The following ZNF676 variants were observed in gnomAD, a reference collection of about 807,000 sequenced individuals.
ZNF676 encodes zinc finger protein 676.
ZNF676 carries 4 observed loss-of-function variants against 6.0 expected under a neutral mutation model. The ratio of observed to expected loss-of-function variants is 0.67; its 90% CI spans 0.33 to 1.53. The LOEUF is 1.53. ZNF676 is among the 40% of genes most tolerant of loss of function. The pLI, the probability that ZNF676 is intolerant of heterozygous loss-of-function variation, is 0.06. For synonymous variants in ZNF676, 198 were observed against 223.1 expected (o/e 0.89, Z 1.00); for missense variants, 644 against 679.7 (o/e 0.95, Z 0.58).
chr19:22,198,995 A>G (rs1322454168), upstream of ZNF676, among the ~76,000 whole-genome samples: 2 of 151,956 alleles, frequency 1.3e-5, no homozygotes, highest in Non-Finnish European at 2.9e-5. Flanking sequence ...TTAAAACAAC[A>G]TGAATGCTTC....
intron 2 of ZNF676, among the ~76,000 whole-genome samples, chr19:22,185,894 T>C (rs1440214119): frequency 6.6e-6 from 1 of 151,912 alleles, no homozygotes; most frequent in Non-Finnish European, 1.5e-5. Context: ...AAGGACCAAA[T>C]CTTCGTTTGA....
chr19:22,242,684 G>A, the ZNF676 span, among the ~76,000 whole-genome samples: 1 of 151,996 alleles, frequency 6.6e-6, no homozygotes, highest in Non-Finnish European at 1.5e-5. Context: ...GTCTAGCTAT[G>A]TGTCAAAATA....
In ZNF676 at chr19:22,180,398, T is replaced by C; in HGVS notation, c.1319A>G (p.Lys440Arg). The C allele has an allele frequency of 6.2e-7, 1 of 1,613,844 alleles. No homozygotes were observed. The highest frequency in any genetic ancestry group is 8.5e-7 in the Non-Finnish European group (1 of 1,179,898). The change falls in exon 3 of 3, where the codon AAG becomes AGG. Residue 440 changes from lysine (K) to arginine (R), a missense_variant. Physicochemically the swap from Lys to Arg is conservative, Grantham distance 26. Around this residue, in one of 5 missense-constraint regions of ZNF676, gnomAD observed 306 missense variants for 265.4 expected, o/e 1.15. Transcript: ENST00000397121. ...GGGTTTCTCTCCAGCATGAATTCTC[T>C]TGTGTTCAGTAAGGCTTGAGGACCA... The part of the protein sequence containing the change: ...FSWSSSLTEH[K>R]RIHAGEKPYK...
At chr19:22,238,977 C>A in the ZNF676 span, among the ~76,000 whole-genome samples, 398 of 152,284 alleles carry the variant, frequency 2.6e-3, no homozygotes, top group African/African-American at 8.6e-3. Flanking sequence ...TTTGGCAACA[C>A]CCTCACAGAC....
At position 22,179,900 on chromosome 19, in the gene ZNF676, GT is replaced by G; in HGVS notation, c.*49del. 1 of 1,578,518 alleles carries G rather than the reference GT, an allele frequency of 6.3e-7. No homozygotes were observed. The highest frequency in any genetic ancestry group is 8.7e-7 in the Non-Finnish European group (1 of 1,153,888). ...TTCTCTCCAGTATGAATTTTCTTAT[GT>G]TTACTAGACTGAGAATCAGCTGAAG... On this transcript the variant is annotated 3_prime_UTR_variant, in exon 3 of 3. Coordinates refer to ENST00000397121, the MANE Select transcript of ZNF676 (RefSeq NM_001001411.3).
At chr19:22,201,477 T>C (rs1305348889), upstream of ZNF676, among the ~76,000 whole-genome samples, 1 of 152,184 alleles carries the variant, frequency 6.6e-6, no homozygotes, top group Non-Finnish European at 1.5e-5. Flanking sequence ...ATTTACAAAT[T>C]CTAGGTGAAA....
In ZNF676 at chr19:22,179,627, C is replaced by G. The variant is rs183275548; in HGVS notation, c.*323G>C. Reference sequence around the variant, plus strand: ...GTTTTTCACATTTGTAGGGCTTTTCCTCCAGTATGAATTCTTTTATGAGTA... The same window carrying G: ...GTTTTTCACATTTGTAGGGCTTTTCGTCCAGTATGAATTCTTTTATGAGTA... On this transcript the variant is annotated 3_prime_UTR_variant, in exon 3 of 3. Transcript: ENST00000397121. 3 of 481,148 alleles carry G rather than the reference C, an allele frequency of 6.2e-6. No individual in the cohort carries two copies. The highest frequency in any genetic ancestry group is 6.0e-5 in the African/African-American group (3 of 50,392). 29.8% of individuals were successfully genotyped at this position (481,148 alleles called of 1,614,324 possible). A position where few individuals can be genotyped will look rare whatever the true frequency, so the allele number is the denominator to read the frequency against.
chr19:22,255,002 T>C, the ZNF676 span, among the ~76,000 whole-genome samples: 2 of 152,224 alleles, frequency 1.3e-5, no homozygotes, highest in East Asian at 1.9e-4. Flanking sequence ...AACGATCCCA[T>C]ACATGATCTG....
intron 1 of ZNF676, among the ~76,000 whole-genome samples, chr19:22,205,489 T>G (rs181312523): frequency 6.6e-6 from 1 of 152,166 alleles, no homozygotes; most frequent in East Asian, 1.9e-4. Context: ...GAAACACAAT[T>G]CAATACCAAT....
chr19:22,182,592 A>AC (rs1568525827), intron 2 of ZNF676, among the ~76,000 whole-genome samples: 1 of 132,332 alleles, frequency 7.6e-6, no homozygotes, highest in East Asian at 2.3e-4. Flanking sequence ...TTCTAAAAAA[A>AC]AAAAAAAAAA....
At chr19:22,227,576 G>T in the ZNF676 span, among the ~76,000 whole-genome samples, 1 of 152,042 alleles carries the variant, frequency 6.6e-6, no homozygotes, top group Non-Finnish European at 1.5e-5. Context: ...CCAGGAGCTG[G>T]TTTTTTGAAA....
chr19:22,242,843 T>G, the ZNF676 span, among the ~76,000 whole-genome samples: 85,206 of 134,946 alleles, frequency 0.63, 25,527 homozygotes, highest in South Asian at 0.84. Flanking sequence ...TTACCCAAGT[T>G]GGGGGGGGGC....
chr19:22,249,044 T>C, the ZNF676 span, among the ~76,000 whole-genome samples: 3 of 152,154 alleles, frequency 2.0e-5, no homozygotes, highest in Admixed American at 6.5e-5. Flanking sequence ...GTGATAGTTA[T>C]ATATGAAAGA....
At chr19:22,241,637 CT>C in the ZNF676 span, among the ~76,000 whole-genome samples, 1 of 151,418 alleles carries the variant, frequency 6.6e-6, no homozygotes. Context: ...CAATCAAGGG[CT>C]TTTTATGTTA....
At chr19:22,184,791 T>A (rs1258453962) in intron 2 of ZNF676, among the ~76,000 whole-genome samples, 1 of 130,162 alleles carries the variant, frequency 7.7e-6, no homozygotes, top group Non-Finnish European at 1.5e-5. Context: ...CCAGACTGTA[T>A]CTCCAGGTTC....
chr19:22,229,566 A>ATTCT, the ZNF676 span, among the ~76,000 whole-genome samples: 7 of 152,344 alleles, frequency 4.6e-5, no homozygotes, highest in African/African-American at 1.7e-4. Context: ...TGAACAGGCA[A>ATTCT]CCTATGGAAT....
At chr19:22,200,061 G>T (rs1599716178), upstream of ZNF676, among the ~76,000 whole-genome samples, 1 of 152,198 alleles carries the variant, frequency 6.6e-6, no homozygotes, top group African/African-American at 2.4e-5. Context: ...ACAGGGCTGG[G>T]GCAGAGTGTA....
chr19:22,241,143 A>G, the ZNF676 span, among the ~76,000 whole-genome samples: 1 of 151,936 alleles, frequency 6.6e-6, no homozygotes, highest in Non-Finnish European at 1.5e-5. Context: ...CATAATCCCT[A>G]CTGGGGGCTG....
At chr19:22,205,501 AAAC>A (rs768665436) in intron 1 of ZNF676, among the ~76,000 whole-genome samples, 76 of 152,322 alleles carry the variant, frequency 5.0e-4, no homozygotes, top group Non-Finnish European at 9.0e-4. Flanking sequence ...AATACCAATA[AAAC>A]AACTGGAAAC....
Sources: allele counts gnomAD v4.1 joint callset (sites outside exome capture counted in the v4.1 genomes callset), GRCh38; gene constraint gnomAD v4.1.1; regional missense constraint gnomAD v4.1.1; transcripts MANE v1.5; gene names NCBI Gene and HGNC (gene_info 2026-07-23, HGNC 2026-07-21).